Variants in HS3ST5 observed in about 807,000 individuals in gnomAD.
HS3ST5 encodes the protein heparan sulfate-glucosamine 3-sulfotransferase 5, also known as heparan sulfate glucosamine 3-O-sulfotransferase 5.
HS3ST5 carries 10 observed loss-of-function variants against 25.4 expected under a neutral mutation model. The observed-to-expected ratio is 0.39, with a 90% confidence interval of 0.24 to 0.67. The LOEUF is 0.67. Ranked by LOEUF, HS3ST5 falls within the 30% of genes least tolerant of loss-of-function variation. The probability of loss-of-function intolerance (pLI) is 0.44; values close to 1 mark genes in which losing one functional copy is unlikely to be tolerated. For synonymous variants in HS3ST5, 170 were observed against 162.4 expected, an observed-to-expected ratio of 1.05 and a Z score of -0.36; for missense variants, 324 against 420.7, an observed-to-expected ratio of 0.77 and a Z score of 2.01.
At chr6:114,247,914 T>C (rs1772455215) in intron 1 of HS3ST5, among the ~76,000 whole-genome samples, 1 of 151,838 alleles carries the variant, frequency 6.6e-6, no homozygotes, top group Non-Finnish European at 1.5e-5. Flanking sequence ...AATAATAATA[T>C]ATAAGCCAGG....
chr6:114,082,409 T>C (rs180999739), intron 3 of HS3ST5, among the ~76,000 whole-genome samples: 72 of 152,320 alleles, frequency 4.7e-4, no homozygotes, highest in Admixed American at 3.9e-3. Flanking sequence ...TAGTGTTCAG[T>C]AAAGACCTCT....
intron 1 of HS3ST5, among the ~76,000 whole-genome samples, chr6:114,331,541 A>T (rs1047283812): frequency 1.1e-4 from 17 of 152,206 alleles, no homozygotes; most frequent in African/African-American, 3.4e-4. Context: ...TAGTTTATTC[A>T]GTAAATTAAA....
At chr6:114,082,233 G>A (rs1774493109) in intron 3 of HS3ST5, among the ~76,000 whole-genome samples, 1 of 152,144 alleles carries the variant, frequency 6.6e-6, no homozygotes, top group African/African-American at 2.4e-5. Flanking sequence ...CTTTCTTTGA[G>A]CTGTTTTCTT....
At position 114,057,352 on chromosome 6, in the gene HS3ST5, C is replaced by T; in HGVS notation, c.946G>A (p.Val316Met). 2 of 1,614,008 alleles carry T rather than the reference C, an allele frequency of 1.2e-6. No homozygotes were observed. Among genetic ancestry groups the T allele is most frequent in the Non-Finnish European group, 1.7e-6 (2 of 1,179,994 alleles). Residue 316 changes from valine (V) to methionine (M), a missense_variant, in exon 5 of 5, where the codon GTG becomes ATG. Around this residue, in one of 2 missense-constraint regions of HS3ST5, gnomAD observed 203 missense variants for 303.4 expected, o/e 0.67. Transcript: ENST00000312719. Reference protein sequence around the residue: ...AGSKGRIHPEVDPSVITKLRK... With the variant: ...AGSKGRIHPEMDPSVITKLRK... Reference sequence around the variant, plus strand: ...AATTTAGTAATGACAGAGGGGTCCACCTCTGGATGAATGCGCCCCTTGCTG... The same window carrying T: ...AATTTAGTAATGACAGAGGGGTCCATCTCTGGATGAATGCGCCCCTTGCTG...
intron 3 of HS3ST5, among the ~76,000 whole-genome samples, chr6:114,078,370 C>T (rs183834937): frequency 6.6e-6 from 1 of 152,048 alleles, no homozygotes; most frequent in Non-Finnish European, 1.5e-5. Flanking sequence ...CCAAGCCCAG[C>T]TAATTTTGGT....
intron 3 of HS3ST5, among the ~76,000 whole-genome samples, chr6:114,134,035 G>A (rs1777475680): frequency 6.6e-6 from 1 of 152,064 alleles, no homozygotes; most frequent in Non-Finnish European, 1.5e-5. Context: ...GGTGGCTGGA[G>A]AGAAAAAGGA....
At chr6:114,149,432 G>C (rs1409377745) in intron 3 of HS3ST5, among the ~76,000 whole-genome samples, 1 of 152,126 alleles carries the variant, frequency 6.6e-6, no homozygotes, top group Non-Finnish European at 1.5e-5. Flanking sequence ...TCCTTTGCAG[G>C]GACATGGATG....
chr6:114,274,181 A>G (rs1387538188), intron 1 of HS3ST5, among the ~76,000 whole-genome samples: 1 of 151,968 alleles, frequency 6.6e-6, no homozygotes, highest in Non-Finnish European at 1.5e-5. Flanking sequence ...TTGGGGCCAA[A>G]TGGTTCTGCT....
At chr6:114,103,807 C>T (rs1223396818) in intron 3 of HS3ST5, among the ~76,000 whole-genome samples, 7 of 148,652 alleles carry the variant, frequency 4.7e-5, no homozygotes, top group East Asian at 2.0e-4. Flanking sequence ...CCTCCTGCTT[C>T]GGCCTCCCGA....
intron 2 of HS3ST5, among the ~76,000 whole-genome samples, chr6:114,191,511 A>G (rs1042014999): frequency 6.6e-6 from 1 of 152,216 alleles, no homozygotes; most frequent in Non-Finnish European, 1.5e-5. Context: ...ATCAAATTCT[A>G]TGAGAAGCAG....
chr6:114,259,662 C>T (rs920132768), intron 1 of HS3ST5, among the ~76,000 whole-genome samples: 7 of 152,152 alleles, frequency 4.6e-5, no homozygotes, highest in Admixed American at 1.3e-4. Flanking sequence ...CAATGTGGTA[C>T]GTCAATGTAT....
Position 114,113,355 on chromosome 6 carries a change from T to C in HS3ST5, c.-32-50478A>G, listed in dbSNP as rs772505327. The stretch of plus-strand genomic sequence containing the variant: ...TAAACTCTAGCATGCGCTACGAAAA[T>C]ATATGTAACTGGACACCTGTTTACT... On this transcript the variant is annotated intron_variant, in intron 3 of 4. Coordinates refer to ENST00000312719, the MANE Select transcript of HS3ST5 (RefSeq NM_153612.4). Among the ~76,000 whole-genome samples the C allele has an allele frequency of 4.3e-4, 66 of 152,126 alleles. 2 individuals are homozygous for C. Among genetic ancestry groups the C allele is most frequent in the Non-Finnish European group, 2.4e-4 (16 of 68,036 alleles).
intron 1 of HS3ST5, among the ~76,000 whole-genome samples, chr6:114,331,033 C>T (rs1423433610): frequency 1.3e-5 from 2 of 152,142 alleles, no homozygotes; most frequent in Non-Finnish European, 2.9e-5. Flanking sequence ...ACTTATAACA[C>T]GTGTAAGACT....
At chr6:114,073,360 C>A (rs1773938951) in intron 3 of HS3ST5, among the ~76,000 whole-genome samples, 1 of 152,148 alleles carries the variant, frequency 6.6e-6, no homozygotes, top group Non-Finnish European at 1.5e-5. Flanking sequence ...AGGCAACCTA[C>A]AGAATGGGAG....
intron 3 of HS3ST5, among the ~76,000 whole-genome samples, chr6:114,162,355 C>T (rs1779014305): frequency 6.6e-6 from 1 of 152,134 alleles, no homozygotes; most frequent in African/African-American, 2.4e-5. Context: ...CTAGTCATCA[C>T]CTTCTGTCAC....
intron 3 of HS3ST5, among the ~76,000 whole-genome samples, chr6:114,141,547 G>A (rs1168939031): frequency 6.6e-6 from 1 of 152,226 alleles, no homozygotes; most frequent in African/African-American, 2.4e-5. Context: ...GAGAGTTTGT[G>A]AGTGAGAGCT....
chr6:114,339,803 T>G (rs1293996701), intron 1 of HS3ST5, among the ~76,000 whole-genome samples: 1 of 152,126 alleles, frequency 6.6e-6, no homozygotes, highest in Non-Finnish European at 1.5e-5. Flanking sequence ...TAAGGATAAT[T>G]GTAGAATTTA....
In HS3ST5 at chr6:114,183,481, C is replaced by A. The variant is rs542004727; in HGVS notation, c.-144-15019G>T. 2.5e-4 allele frequency among the ~76,000 whole-genome samples: 38 copies of A among 152,290 alleles called. 1 individual carries two copies. In the South Asian group the frequency reaches 3.7e-3, roughly 15 times the overall value. ...GTAAATTGCCCAGTCTCAGGTATGTCTTTATTAGCAGCATGAAAATGGACT... is the reference window on the plus strand; with the variant it reads ...GTAAATTGCCCAGTCTCAGGTATGTATTTATTAGCAGCATGAAAATGGACT... On this transcript the variant is annotated intron_variant, in intron 2 of 4. Transcript: ENST00000312719.
At chr6:114,119,884 A>G (rs1307444574) in intron 3 of HS3ST5, among the ~76,000 whole-genome samples, 1 of 152,108 alleles carries the variant, frequency 6.6e-6, no homozygotes, top group Non-Finnish European at 1.5e-5. Context: ...ATAAACAATA[A>G]AGAAGTAATC....
Sources: gnomAD v4.1 joint callset for allele counts (sites outside exome capture counted in the v4.1 genomes callset) on GRCh38, gnomAD v4.1.1 for gene constraint, gnomAD v4.1.1 regional missense constraint, MANE v1.5 for transcripts, NCBI Gene and HGNC (gene_info 2026-07-23, HGNC 2026-07-21) for gene names.